Variants in ZNF148 observed in about 807,000 individuals in gnomAD.
ZNF148 encodes the protein zinc finger protein 148.
ZNF148 carries 7 observed loss-of-function variants against 67.7 expected under a neutral mutation model. The observed-to-expected ratio is 0.10, with a 90% CI of 0.06 to 0.19. ZNF148 has a LOEUF of 0.19. Among genes scored for constraint, ZNF148 ranks in the 10% least tolerant of loss-of-function variants. The probability of loss-of-function intolerance (pLI) is 1.00; values close to 1 mark genes in which losing one functional copy is unlikely to be tolerated. For missense variants in ZNF148, 583 were observed against 947.1 expected (o/e 0.62, Z 5.05); for synonymous variants, 333 against 330.7 (o/e 1.01, Z -0.08).
At chr3:125,279,452 A>G (rs1253815954) in intron 5 of ZNF148, among the ~76,000 whole-genome samples, 1 of 152,186 alleles carries the variant, frequency 6.6e-6, no homozygotes, top group Non-Finnish European at 1.5e-5. Context: ...AGCAAAAATC[A>G]CTAATAAAAC....
intron 7 of ZNF148, among the ~76,000 whole-genome samples, chr3:125,264,369 A>G (rs1214086471): frequency 6.6e-6 from 1 of 152,214 alleles, no homozygotes; most frequent in Non-Finnish European, 1.5e-5. Flanking sequence ...TAGTGTCAGC[A>G]TTTAATTAAA....
intron 4 of ZNF148, among the ~76,000 whole-genome samples, chr3:125,306,459 T>C (rs544472901): frequency 7.9e-5 from 12 of 152,204 alleles, no homozygotes; most frequent in African/African-American, 1.9e-4. Flanking sequence ...GAAATCACCA[T>C]TGATCCTTAA....
At chr3:125,321,580 A>C (rs1940772557) in intron 3 of ZNF148, among the ~76,000 whole-genome samples, 1 of 152,198 alleles carries the variant, frequency 6.6e-6, no homozygotes, top group Non-Finnish European at 1.5e-5. Context: ...CATCAAGAAG[A>C]TAGTAGTATT....
chr3:125,304,380 G>C (rs1188055690), intron 4 of ZNF148, among the ~76,000 whole-genome samples: 1 of 152,168 alleles, frequency 6.6e-6, no homozygotes, highest in Non-Finnish European at 1.5e-5. Flanking sequence ...ATGTAGACCA[G>C]TGCAATGTAT....
At chr3:125,234,835 G>A (rs1936011738) in intron 7 of ZNF148, among the ~76,000 whole-genome samples, 2 of 152,008 alleles carry the variant, frequency 1.3e-5, no homozygotes, top group South Asian at 4.1e-4. Context: ...TCTTAAGTTT[G>A]TTTATATTTA....
intron 1 of ZNF148, among the ~76,000 whole-genome samples, chr3:125,335,515 A>G (rs1036593369): frequency 6.6e-6 from 1 of 152,204 alleles, no homozygotes; most frequent in Non-Finnish European, 1.5e-5. Flanking sequence ...CAATAAAGAG[A>G]TTCAACCTAT....
intron 7 of ZNF148, among the ~76,000 whole-genome samples, chr3:125,241,765 ACACT>A (rs1936375339): frequency 1.3e-5 from 2 of 152,370 alleles, no homozygotes; most frequent in Admixed American, 6.5e-5. Flanking sequence ...TGTGGAATAA[ACACT>A]CATAAAAAGA....
intron 1 of ZNF148, among the ~76,000 whole-genome samples, chr3:125,364,881 A>T (rs1579912980): frequency 6.6e-6 from 1 of 152,134 alleles, no homozygotes; most frequent in Non-Finnish European, 1.5e-5. Context: ...ATTTCCCTCC[A>T]TTCCTCAACA....
At chr3:125,324,763 C>A (rs1355166263) in intron 2 of ZNF148, among the ~76,000 whole-genome samples, 1 of 152,154 alleles carries the variant, frequency 6.6e-6, no homozygotes, top group Non-Finnish European at 1.5e-5. Flanking sequence ...ATGATTTCCT[C>A]TTTGAACTTC....
chr3:125,291,339 A>G (rs956218240), intron 4 of ZNF148, among the ~76,000 whole-genome samples: 4 of 152,174 alleles, frequency 2.6e-5, no homozygotes, highest in Non-Finnish European at 5.9e-5. Flanking sequence ...TGCCTATAGT[A>G]TTCATTATCA....
intron 4 of ZNF148, 46 bp from the exon 5 acceptor site, chr3:125,288,274 C>A (rs761650273): frequency 3.2e-5 from 50 of 1,556,956 alleles, no homozygotes; most frequent in Non-Finnish European, 4.1e-5. Context: ...ATAAAAAGTT[C>A]ATTGTGACAA....
At chr3:125,371,040 T>C (rs934308459) in intron 1 of ZNF148, among the ~76,000 whole-genome samples, 21 of 152,064 alleles carry the variant, frequency 1.4e-4, no homozygotes, top group African/African-American at 4.8e-4. Flanking sequence ...GCCAATCCAT[T>C]ACCTCCTAAA....
chr3:125,241,294 GTTTCTTTCTTTTTTC>G (rs1270218259), intron 7 of ZNF148, among the ~76,000 whole-genome samples: 2 of 150,510 alleles, frequency 1.3e-5, no homozygotes, highest in African/African-American at 4.9e-5. Context: ...TCTTTACAGA[GTTTCTTTCTTTTTTC>G]TTTCTTTCTT....
At chr3:125,298,443 TTAAA>T (rs1354858021) in intron 4 of ZNF148, among the ~76,000 whole-genome samples, 1 of 151,332 alleles carries the variant, frequency 6.6e-6, no homozygotes, top group Non-Finnish European at 1.5e-5. Context: ...AGGAATGTGA[TTAAA>T]TAAATTATGG....
intron 5 of ZNF148, among the ~76,000 whole-genome samples, chr3:125,286,781 A>T (rs1938684145): frequency 6.6e-6 from 1 of 152,200 alleles, no homozygotes; most frequent in African/African-American, 2.4e-5. Context: ...ATACCTCCAT[A>T]TCTATCTGCA....
intron 7 of ZNF148, among the ~76,000 whole-genome samples, chr3:125,242,951 C>A (rs1936433814): frequency 6.6e-6 from 1 of 152,236 alleles, no homozygotes; most frequent in African/African-American, 2.4e-5. Context: ...TAAGGCTAAT[C>A]TTCCTCATTG....
At chr3:125,238,971 T>C (rs970104353) in intron 7 of ZNF148, among the ~76,000 whole-genome samples, 1 of 152,322 alleles carries the variant, frequency 6.6e-6, no homozygotes, top group East Asian at 1.9e-4. Flanking sequence ...TGAGTGAATC[T>C]TGAAGACATT....
chr3:125,270,712 T>C (rs1937687476), intron 7 of ZNF148, among the ~76,000 whole-genome samples: 1 of 152,060 alleles, frequency 6.6e-6, no homozygotes, highest in Admixed American at 6.6e-5. Flanking sequence ...AAGAAACTAC[T>C]GTGAAAAATA....
chr3:125,290,983 A>C (rs934862722), intron 4 of ZNF148, among the ~76,000 whole-genome samples: 8 of 152,126 alleles, frequency 5.3e-5, no homozygotes, highest in African/African-American at 1.9e-4. Flanking sequence ...AACTTCACCT[A>C]GTCTCAATAA....
Sources: allele counts gnomAD v4.1 joint callset (sites outside exome capture counted in the v4.1 genomes callset), GRCh38; gene constraint gnomAD v4.1.1; transcripts MANE v1.5; gene names NCBI Gene and HGNC (gene_info 2026-07-23, HGNC 2026-07-21).